The following POLB variants were observed in gnomAD, a reference collection of about 807,000 sequenced individuals.
POLB encodes 5'-dRP lyase.
A neutral mutation model predicts 52.7 loss-of-function variants in POLB; 37 were observed. The ratio of observed to expected loss-of-function variants is 0.70; its 90% CI spans 0.54 to 0.92. The LOEUF (loss-of-function observed/expected upper bound fraction) is 0.92. Among genes scored for constraint, POLB ranks in the 40% least tolerant of loss-of-function variants. The pLI is 0.00. For synonymous variants in POLB, 138 were observed against 131.3 expected (o/e 1.05, Z -0.35); for missense variants, 313 against 400.8 (o/e 0.78, Z 1.87).
At chr8:42,370,830 A>G (rs534937782) in intron 13 of POLB, among the ~76,000 whole-genome samples, 6 of 152,226 alleles carry the variant, frequency 3.9e-5, no homozygotes, top group Admixed American at 1.3e-4. Flanking sequence ...ATCGTGTTTT[A>G]AGACAGTTTA....
At position 42,362,265 on chromosome 8, in the gene POLB, AAAT is replaced by A. The variant is rs1382908329; in HGVS notation, c.622-344_622-342del. On this transcript the variant is annotated intron_variant, in intron 10 of 13. Coordinates refer to ENST00000265421, the MANE Select transcript of POLB (RefSeq NM_002690.3). ...CAGAACGAGACTCCATCTAAAAATAAAATAAAATAAAATAAAATAAAATAAAAT... is the reference window on the plus strand; with the variant it reads ...CAGAACGAGACTCCATCTAAAAATAAAAAATAAAATAAAATAAAATAAAAT... 2.3e-4 allele frequency among the ~76,000 whole-genome samples: 20 copies of A among 86,988 alleles called. 1 individual carries two copies. In the African/African-American group the frequency reaches 3.7e-3, roughly 16 times the overall value. The allele number at this position is 86,988 out of a possible 152,430, so 57.1% of individuals were successfully genotyped here.
chr8:42,354,403 GTTTC>G (rs1294016542), intron 6 of POLB: 10 of 1,211,904 alleles, frequency 8.3e-6, no homozygotes, highest in Non-Finnish European at 1.1e-5. Flanking sequence ...TTATCTTGCT[GTTTC>G]TTTAACAAGG....
chr8:42,363,992 T>G (rs980939509), intron 11 of POLB, among the ~76,000 whole-genome samples: 1 of 148,052 alleles, frequency 6.8e-6, no homozygotes, highest in Admixed American at 6.8e-5. Context: ...AGGAGGGCGA[T>G]CTCGGCTCAC....
chr8:42,343,930 ATG>A, intron 2 of POLB, among the ~76,000 whole-genome samples: 1 of 152,064 alleles, frequency 6.6e-6, no homozygotes, highest in African/African-American at 2.4e-5. Flanking sequence ...GGAGTTCGGG[ATG>A]AGCCTGGCCA....
chr8:42,360,763 A>G (rs541510218), intron 9 of POLB, among the ~76,000 whole-genome samples: 25 of 151,408 alleles, frequency 1.7e-4, no homozygotes, highest in African/African-American at 5.8e-4. Flanking sequence ...AAAAAAAAAA[A>G]GAGAGTGCCT....
intron 11 of POLB, among the ~76,000 whole-genome samples, chr8:42,368,233 C>T (rs959423179): frequency 2.0e-5 from 3 of 152,118 alleles, no homozygotes; most frequent in Non-Finnish European, 4.4e-5. Context: ...CCTGGTAATT[C>T]CAGGTGGAAA....
intron 2 of POLB, among the ~76,000 whole-genome samples, chr8:42,340,733 C>G (rs958599601): frequency 6.6e-6 from 1 of 152,172 alleles, no homozygotes; most frequent in African/African-American, 2.4e-5. Flanking sequence ...TGTCTTTATC[C>G]CAAGTCAGCT....
rs189998336 is a variant in POLB at position 42,349,631 on chromosome 8, G to T, written c.262-376G>T. Among the ~76,000 whole-genome samples, 78 of 152,258 alleles carry T rather than the reference G, an allele frequency of 5.1e-4. 1 individual carries two copies. In the East Asian group the frequency reaches 0.014, roughly 27 times the overall value. On this transcript the variant is annotated intron_variant, in intron 4 of 13. Coordinates refer to ENST00000265421, the MANE Select transcript of POLB (RefSeq NM_002690.3). ...TCTCGATCTCCTGACCTCGTGATCTGCCCGCCTCGGCCTCCCAAAGTGCTG... is the reference window on the plus strand; with the variant it reads ...TCTCGATCTCCTGACCTCGTGATCTTCCCGCCTCGGCCTCCCAAAGTGCTG...
At position 42,363,675 on chromosome 8, in the gene POLB, A is replaced by G. The variant is rs146159053; in HGVS notation, c.708+977A>G. Among the ~76,000 whole-genome samples the G allele has an allele frequency of 2.6e-5, 4 of 152,280 alleles. No homozygotes were observed. The East Asian group carries it at 7.7e-4, about 29-fold the overall frequency. ...ATCTTCTCTGATTCAGAATTCTTCA[A>G]TAAGTAACGTAGTTAGAATTGATTG... On this transcript the variant is annotated intron_variant, in intron 11 of 13. Transcript: ENST00000265421.
chr8:42,344,770 G>A (rs377336555), intron 2 of POLB, among the ~76,000 whole-genome samples, 183 bp from the exon 3 acceptor site: 8 of 151,968 alleles, frequency 5.3e-5, no homozygotes, highest in East Asian at 1.9e-4. Context: ...AGCTGAGATC[G>A]CGCTGCTGCA....
chr8:42,351,041 A>T (rs1822950034), intron 5 of POLB, among the ~76,000 whole-genome samples: 1 of 151,892 alleles, frequency 6.6e-6, no homozygotes, highest in African/African-American at 2.4e-5. Context: ...TGTGTGGCCA[A>T]TTTTTGTATC....
intron 9 of POLB, chr8:42,357,775 G>A (rs1377028220): frequency 6.3e-6 from 1 of 157,906 alleles, no homozygotes; most frequent in Non-Finnish European, 1.4e-5. Context: ...TCGCCACGCT[G>A]GAGTGCAGTG....
chr8:42,345,821 A>G (rs1186872863), intron 3 of POLB, among the ~76,000 whole-genome samples: 1 of 152,192 alleles, frequency 6.6e-6, no homozygotes, highest in African/African-American at 2.4e-5. Flanking sequence ...TGACAATCAG[A>G]TTGTTGTCTC....
At chr8:42,345,527 A>C (rs932600899) in intron 3 of POLB, among the ~76,000 whole-genome samples, 4 of 152,340 alleles carry the variant, frequency 2.6e-5, no homozygotes, top group South Asian at 2.1e-4. Flanking sequence ...CACAGTTTCT[A>C]GAGGGTCACA....
At chr8:42,349,533 C>T (rs907631000) in intron 4 of POLB, among the ~76,000 whole-genome samples, 1 of 152,138 alleles carries the variant, frequency 6.6e-6, no homozygotes, top group Admixed American at 6.5e-5. Flanking sequence ...GGACTACAGG[C>T]GCCCGCCACC....
chr8:42,344,884 T>A lies in POLB; in HGVS notation c.120-69T>A. ...GCATAGATATTTGCTTGTATATGTA[T>A]TCCAGTTTAAGAAAAATTAAGGCCT... is the stretch of plus-strand genomic sequence containing the variant. On this transcript the variant is annotated intron_variant, in intron 2 of 13. Coordinates refer to ENST00000265421, the MANE Select transcript of POLB (RefSeq NM_002690.3). 32 of 896,692 alleles carry A rather than the reference T, an allele frequency of 3.6e-5. No individual in the cohort carries two copies. The South Asian group carries it at 4.1e-4, about 12-fold the overall frequency. 55.5% of individuals were successfully genotyped at this position (896,692 alleles called of 1,614,324 possible). A position where few individuals can be genotyped will look rare whatever the true frequency, so the allele number is the denominator to read the frequency against.
intron 2 of POLB, 146 bp downstream of exon 2, chr8:42,339,215 T>C: frequency 1.4e-6 from 1 of 693,180 alleles, no homozygotes; most frequent in Non-Finnish European, 2.6e-6. Context: ...CCTTACTATT[T>C]CTTGAAGAAT....
At chr8:42,350,413 C>CA (rs1822906325) in intron 5 of POLB, among the ~76,000 whole-genome samples, 1 of 152,118 alleles carries the variant, frequency 6.6e-6, no homozygotes, top group African/African-American at 2.4e-5. Flanking sequence ...TTTATCATAG[C>CA]ACCTCATGAA....
chr8:42,344,747 G>A (rs1339249757), intron 2 of POLB, among the ~76,000 whole-genome samples: 2 of 152,000 alleles, frequency 1.3e-5, no homozygotes, highest in South Asian at 2.1e-4. Flanking sequence ...CCCGGGAGGC[G>A]GAGGTTCCAG....
Sources: allele counts gnomAD v4.1 joint callset (sites outside exome capture counted in the v4.1 genomes callset), GRCh38; gene constraint gnomAD v4.1.1; transcripts MANE v1.5; gene names NCBI Gene and HGNC (gene_info 2026-07-23, HGNC 2026-07-21).